EMC2: variants seen among roughly 807,000 people sequenced by gnomAD.
The protein encoded by EMC2 is TPR repeat protein 35.
Under a neutral mutation model 51.6 loss-of-function variants are expected in EMC2, and 37 were observed. That is an observed-to-expected ratio of 0.72 (90% CI 0.55 to 0.94). The LOEUF (loss-of-function observed/expected upper bound fraction) is 0.94, where lower values mean the gene tolerates loss of function less well. Ranked by LOEUF, EMC2 falls within the 40% of genes least tolerant of loss-of-function variation. EMC2 has a pLI of 0.00. For synonymous variants in EMC2, 131 were observed against 112.4 expected (o/e 1.17, Z -1.04); for missense variants, 359 against 350.9 (o/e 1.02, Z -0.18).
chr8:108,471,456 C>T (rs1200552033), intron 7 of EMC2, among the ~76,000 whole-genome samples: 2 of 151,430 alleles, frequency 1.3e-5, no homozygotes, highest in Non-Finnish European at 3.0e-5. Flanking sequence ...TTGAGAAACA[C>T]AGTAAAGCAT....
At chr8:108,486,487 G>GGT in intron 10 of EMC2, 25 bp from the exon 11 acceptor site, 1 of 1,270,612 alleles carries the variant, frequency 7.9e-7, no homozygotes, top group East Asian at 3.0e-5. Flanking sequence ...GCCTAATTGA[G>GGT]CTTTTTTTTT....
chr8:108,446,312 T>C, intron 1 of EMC2: 1 of 426,234 alleles, frequency 2.3e-6, no homozygotes. Flanking sequence ...GTAGGAATCA[T>C]TGGGTATCTT....
At chr8:108,463,069 C>T (rs1334454191) in intron 5 of EMC2, among the ~76,000 whole-genome samples, 1 of 152,090 alleles carries the variant, frequency 6.6e-6, no homozygotes, top group East Asian at 1.9e-4. Context: ...TATTTTATAC[C>T]TCTGAGTTGA....
At chr8:108,485,352 G>C (rs924555288) in intron 10 of EMC2, among the ~76,000 whole-genome samples, 1 of 149,594 alleles carries the variant, frequency 6.7e-6, no homozygotes, top group Non-Finnish European at 1.5e-5. Flanking sequence ...GAAAACACTA[G>C]ATGTTGCTAA....
At chr8:108,451,553 T>C (rs951658220) in intron 3 of EMC2, among the ~76,000 whole-genome samples, 11 of 152,138 alleles carry the variant, frequency 7.2e-5, no homozygotes, top group Admixed American at 3.9e-4. Context: ...CTTTTCAAGG[T>C]TGGGTTGGCT....
rs559037918 is a variant in EMC2, at chr8:108,479,304, A to G, written c.807+194A>G. ...TTCCCCTCAAGAGGAATCTGTTAGT[A>G]TTATTATTTCATAATTAGCCTTACC... On this transcript the variant is annotated intron_variant, in intron 10 of 10. Coordinates refer to ENST00000220853, the MANE Select transcript of EMC2 (RefSeq NM_014673.5). Among the ~76,000 whole-genome samples the G allele has an allele frequency of 2.6e-5, 4 of 152,196 alleles. No individual in the cohort carries two copies. In the South Asian group the frequency reaches 8.3e-4, roughly 31 times the overall value.
intron 7 of EMC2, chr8:108,474,265 T>G (rs1472696539): frequency 1.3e-5 from 2 of 151,984 alleles, no homozygotes; most frequent in Non-Finnish European, 2.9e-5. Flanking sequence ...CTAAGAACTT[T>G]TATTCTTAGT....
At chr8:108,474,557 A>G in intron 7 of EMC2, 1 of 2,282 alleles carries the variant, frequency 4.4e-4, no homozygotes, top group Admixed American at 5.7e-3. Flanking sequence ...ATGAGAGTAC[A>G]CACACACACA....
intron 1 of EMC2, 55 bp from the exon 2 acceptor site, chr8:108,449,768 G>C (rs886373953): frequency 5.5e-6 from 4 of 730,446 alleles, no homozygotes; most frequent in Non-Finnish European, 9.3e-6. Flanking sequence ...TCTATCGGAT[G>C]TGTATGTGTG....
chr8:108,456,603 C>G (rs1323602571), intron 5 of EMC2, among the ~76,000 whole-genome samples: 4 of 151,370 alleles, frequency 2.6e-5, no homozygotes, highest in Non-Finnish European at 4.4e-5. Context: ...AGAAACATAC[C>G]CCTTTAATTT....
chr8:108,462,179 T>C (rs892820517), intron 5 of EMC2, among the ~76,000 whole-genome samples: 3 of 147,542 alleles, frequency 2.0e-5, no homozygotes, highest in Non-Finnish European at 4.4e-5. Context: ...GGCCTGCGCG[T>C]GTGTGTGTGT....
At chr8:108,471,358 G>A (rs1316603892) in intron 7 of EMC2, among the ~76,000 whole-genome samples, 2 of 151,512 alleles carry the variant, frequency 1.3e-5, no homozygotes, top group African/African-American at 2.4e-5. Flanking sequence ...ACTTTCTAAA[G>A]ATTTTCTGAC....
At chr8:108,456,338 AAAAAAAAAAG>A (rs1206180532) in intron 5 of EMC2, among the ~76,000 whole-genome samples, 1 of 145,938 alleles carries the variant, frequency 6.9e-6, no homozygotes, top group Non-Finnish European at 1.5e-5. Flanking sequence ...GTGTCAAAAA[AAAAAAAAAAG>A]AAAAAAAAAA....
chr8:108,444,445 A>C (rs1323777356), intron 1 of EMC2, among the ~76,000 whole-genome samples: 1 of 152,182 alleles, frequency 6.6e-6, no homozygotes, highest in Admixed American at 6.5e-5. Flanking sequence ...ACCTTGGATC[A>C]ATTCTGTGTG....
chr8:108,470,218 G>C, intron 7 of EMC2, 97 bp downstream of exon 7: 1 of 737,840 alleles, frequency 1.4e-6, no homozygotes, highest in Non-Finnish European at 2.3e-6. Flanking sequence ...GAGAGGGTGT[G>C]AATCATGTCA....
chr8:108,446,183 A>G, intron 1 of EMC2: 1 of 312,202 alleles, frequency 3.2e-6, no homozygotes, highest in South Asian at 2.7e-5. Flanking sequence ...GGCCTGGCAC[A>G]TAGGCATTTA....
chr8:108,450,336 T>A, intron 2 of EMC2, 92 bp from the exon 3 acceptor site: 1 of 779,832 alleles, frequency 1.3e-6, no homozygotes, highest in South Asian at 1.5e-5. Flanking sequence ...AGTAATGTTC[T>A]CTAGAAATAT....
chr8:108,443,810 C>A, intron 1 of EMC2, 112 bp downstream of exon 1: 1 of 922,068 alleles, frequency 1.1e-6, no homozygotes, highest in Non-Finnish European at 1.7e-6. Flanking sequence ...GGTACCAGAG[C>A]CCTCACTGTA....
chr8:108,474,447 A>G (rs535175671), intron 7 of EMC2: 17 of 152,080 alleles, frequency 1.1e-4, no homozygotes, highest in Admixed American at 5.3e-4. Flanking sequence ...CATTTATTCA[A>G]TCATTTGTTC....
Sources: gnomAD v4.1 joint callset for allele counts (sites outside exome capture counted in the v4.1 genomes callset) on GRCh38, gnomAD v4.1.1 for gene constraint, MANE v1.5 for transcripts, NCBI Gene and HGNC (gene_info 2026-07-23, HGNC 2026-07-21) for gene names.